The following GRM7 variants were observed in gnomAD, a reference collection of about 807,000 sequenced individuals.
GRM7 encodes the protein metabotropic glutamate receptor 7.
In GRM7, 35 loss-of-function variants were observed where a neutral mutation model predicts 84.5. The ratio of observed to expected loss-of-function variants is 0.41; its 90% CI spans 0.32 to 0.55. The LOEUF is 0.55. Ranked by LOEUF, GRM7 falls within the 20% of genes least tolerant of loss-of-function variation. The probability of loss-of-function intolerance (pLI) is 0.19; values close to 1 mark genes in which losing one functional copy is unlikely to be tolerated. For synonymous variants in GRM7, 487 were observed against 455.1 expected (o/e 1.07, Z -0.89); for missense variants, 1,003 against 1,194.6 (o/e 0.84, Z 2.36).
intron 9 of GRM7, among the ~76,000 whole-genome samples, chr3:7,732,137 C>T (rs1290868661): frequency 1.3e-5 from 2 of 152,114 alleles, no homozygotes; most frequent in Non-Finnish European, 2.9e-5. Context: ...GCTCCGCCTC[C>T]CAGGTTCACG....
intron 1 of GRM7, among the ~76,000 whole-genome samples, chr3:7,138,040 G>T (rs62237664): frequency 1 from 152,176 of 152,176 alleles, 76,088 homozygotes; most frequent in Non-Finnish European, 1. Flanking sequence ...AGTGGTAGAA[G>T]TAAAAATATT....
chr3:7,572,862 A>ATATATG (rs1694764468), intron 7 of GRM7, among the ~76,000 whole-genome samples: 1 of 48,898 alleles, frequency 2.0e-5, no homozygotes, highest in Non-Finnish European at 4.4e-5. Context: ...ATATATATAT[A>ATATATG]TATATATATA....
chr3:7,657,752 A>G (rs3804849), intron 8 of GRM7, among the ~76,000 whole-genome samples: 44,862 of 151,990 alleles, frequency 0.3, 7,298 homozygotes, highest in East Asian at 0.61. Context: ...TCAATTATGA[A>G]TTCTGGAAAT....
In GRM7 at chr3:7,350,615, T is replaced by A. The variant is rs1198395617; in HGVS notation, c.1033+43963T>A. Among the ~76,000 whole-genome samples the A allele has an allele frequency of 2.0e-5, 3 of 152,158 alleles. No individual in the cohort carries two copies. In the East Asian group the frequency reaches 5.8e-4, roughly 29 times the overall value. ...TTTCCCATTCTCAGGCATTTCTTTA[T>A]AGCAGTGTGAGAATAGACTAATGCA... On this transcript the variant is annotated intron_variant, in intron 4 of 9. Transcript: ENST00000357716.
intron 2 of GRM7, 80 bp downstream of exon 2, chr3:7,146,748 T>C (rs1694123171): frequency 1.1e-6 from 1 of 930,976 alleles, no homozygotes; most frequent in Non-Finnish European, 1.7e-6. Context: ...CTTCATTAAA[T>C]AAACACTACA....
chr3:7,125,518 C>T (rs1291477712), intron 1 of GRM7, among the ~76,000 whole-genome samples: 1 of 152,140 alleles, frequency 6.6e-6, no homozygotes, highest in Non-Finnish European at 1.5e-5. Flanking sequence ...TAGAGCTTGC[C>T]ATCCAGATGA....
In GRM7 at chr3:7,672,081, C is replaced by CG. The variant is rs1263697676; in HGVS notation, c.2452-7962dup. 5.0e-4 allele frequency among the ~76,000 whole-genome samples: 76 copies of CG among 151,874 alleles called. 5 individuals carry two copies. Among genetic ancestry groups the CG allele is most frequent in the Non-Finnish European group, 2.9e-5 (2 of 68,002 alleles). On this transcript the variant is annotated intron_variant, in intron 8 of 9. Transcript: ENST00000357716. The stretch of plus-strand genomic sequence containing the variant: ...AGGATGCAAACTCCCTCCCCTGCCC[C>CG]GGGGGGAGGGAAACAGTATTTTTTT...
chr3:7,550,081 T>C (rs1174161705), intron 7 of GRM7, among the ~76,000 whole-genome samples: 2 of 152,120 alleles, frequency 1.3e-5, no homozygotes, highest in East Asian at 1.9e-4. Flanking sequence ...AATATAGTTA[T>C]TGTCCTTTAG....
chr3:7,604,524 A>G (rs906579588), intron 8 of GRM7, among the ~76,000 whole-genome samples: 2 of 152,148 alleles, frequency 1.3e-5, no homozygotes, highest in African/African-American at 4.8e-5. Context: ...CTGCCAGAAA[A>G]TGACATTCCA....
intron 2 of GRM7, among the ~76,000 whole-genome samples, chr3:7,297,874 G>A (rs1253158804): frequency 6.6e-6 from 1 of 152,144 alleles, no homozygotes; most frequent in African/African-American, 2.4e-5. Context: ...AGATCCAGGA[G>A]CAGCTGCTAA....
At chr3:7,339,548 C>T (rs1031821423) in intron 4 of GRM7, among the ~76,000 whole-genome samples, 4 of 152,080 alleles carry the variant, frequency 2.6e-5, no homozygotes, top group Admixed American at 2.0e-4. Context: ...GGGGTGGCCT[C>T]CTACGACCTC....
At chr3:7,359,228 G>A (rs1449612606) in intron 4 of GRM7, among the ~76,000 whole-genome samples, 2 of 143,350 alleles carry the variant, frequency 1.4e-5, no homozygotes, top group East Asian at 3.9e-4. Context: ...GTTTGTGTGT[G>A]TGTGTGTGTG....
chr3:6,899,958 C>A (rs2125001674), intron 1 of GRM7, among the ~76,000 whole-genome samples: 1 of 152,200 alleles, frequency 6.6e-6, no homozygotes, highest in African/African-American at 2.4e-5. Context: ...TCAAATACGT[C>A]TTTGTCAAAA....
At chr3:7,377,995 A>T (rs2125126015) in intron 4 of GRM7, among the ~76,000 whole-genome samples, 1 of 152,250 alleles carries the variant, frequency 6.6e-6, no homozygotes, top group African/African-American at 2.4e-5. Context: ...GAATGTAGTC[A>T]CCAACATCTG....
intron 1 of GRM7, among the ~76,000 whole-genome samples, chr3:6,987,591 A>C (rs1244745174): frequency 6.6e-6 from 1 of 152,200 alleles, no homozygotes; most frequent in Admixed American, 6.5e-5. Flanking sequence ...CAAGGAGCAG[A>C]CAGGAAGGAA....
At chr3:7,117,721 T>A (rs1305439472) in intron 1 of GRM7, among the ~76,000 whole-genome samples, 12 of 152,202 alleles carry the variant, frequency 7.9e-5, no homozygotes, top group Non-Finnish European at 2.9e-5. Flanking sequence ...TTATGGGCCA[T>A]GTGAAGTTGA....
chr3:7,540,726 A>T (rs1340884386), intron 7 of GRM7, among the ~76,000 whole-genome samples: 1 of 152,236 alleles, frequency 6.6e-6, no homozygotes, highest in East Asian at 1.9e-4. Flanking sequence ...TGTGATTTAT[A>T]TATCAATTAC....
intron 1 of GRM7, among the ~76,000 whole-genome samples, chr3:6,882,351 C>T (rs1311663958): frequency 5.3e-5 from 8 of 152,176 alleles, no homozygotes; most frequent in Middle Eastern, 3.4e-3. Flanking sequence ...GTAGCATAAA[C>T]TCATTGTGGA....
intron 8 of GRM7, among the ~76,000 whole-genome samples, chr3:7,605,425 AATGATTAAGGCTAT>A (rs1442977900): frequency 6.6e-6 from 1 of 152,204 alleles, no homozygotes; most frequent in Non-Finnish European, 1.5e-5. Flanking sequence ...CTTTTAGAAT[AATGATTAAGGCTAT>A]TTTCAAAGAA....
Sources: gnomAD v4.1 joint callset for allele counts (sites outside exome capture counted in the v4.1 genomes callset) on GRCh38, gnomAD v4.1.1 for gene constraint, MANE v1.5 for transcripts, NCBI Gene and HGNC (gene_info 2026-07-23, HGNC 2026-07-21) for gene names.